Variants in TNFRSF10C observed in about 807,000 individuals in gnomAD.
The protein encoded by TNFRSF10C is tumor necrosis factor receptor superfamily member 10C.
TNFRSF10C carries 17 observed loss-of-function variants against 16.7 expected under a neutral mutation model. That is an observed-to-expected ratio of 1.02 (90% CI 0.70 to 1.53). The LOEUF is 1.53. Among genes scored for constraint, TNFRSF10C ranks in the 40% most tolerant of loss-of-function variants. The pLI is 0.00. For missense variants in TNFRSF10C, 237 were observed against 329.7 expected (o/e 0.72, Z 2.18); for synonymous variants, 73 against 119.7 (o/e 0.61, Z 2.55).
chr8:23,103,310 A>G (rs1813704513), intron 1 of TNFRSF10C, 129 bp downstream of exon 1: 1 of 1,486,166 alleles, frequency 6.7e-7, no homozygotes, highest in Non-Finnish European at 9.1e-7. Context: ...GGCAGGACGA[A>G]CTCGCCGTCG....
chr8:23,103,568 T>G, intron 1 of TNFRSF10C: 1 of 247,338 alleles, frequency 4.0e-6, no homozygotes, highest in Admixed American at 5.1e-5. Flanking sequence ...ACGTGTTCCT[T>G]GGAGATCGGT....
In TNFRSF10C at chr8:23,115,634, G is replaced by A; in HGVS notation, c.389+18G>A. 8 of 1,600,264 alleles carry A rather than the reference G, an allele frequency of 5.0e-6. No individual in the cohort carries two copies. The highest frequency in any genetic ancestry group is 6.8e-6 in the Non-Finnish European group (8 of 1,168,880). On this transcript the variant is annotated intron_variant, in intron 4 of 4. Transcript: ENST00000356864. ...TGTAGCAGGTGAGACAGCAGTCAGGGGCTCCTGACAGCTTTCAGGAACCCG... is the reference window on the plus strand; with the variant it reads ...TGTAGCAGGTGAGACAGCAGTCAGGAGCTCCTGACAGCTTTCAGGAACCCG...
intron 1 of TNFRSF10C, chr8:23,103,411 C>T (rs1230207339): frequency 1.3e-5 from 9 of 712,602 alleles, no homozygotes; most frequent in Non-Finnish European, 1.9e-5. Context: ...GCCCCGAGCC[C>T]GCGAAGGGAG....
intron 4 of TNFRSF10C, among the ~76,000 whole-genome samples, chr8:23,116,171 G>A (rs1312818515): frequency 6.6e-6 from 1 of 152,152 alleles, no homozygotes; most frequent in African/African-American, 2.4e-5. Flanking sequence ...AATAAGTCCT[G>A]TCTTTTCCCT....
intron 1 of TNFRSF10C, among the ~76,000 whole-genome samples, chr8:23,111,429 A>G (rs777924064): frequency 6.6e-6 from 1 of 151,670 alleles, no homozygotes; most frequent in East Asian, 1.9e-4. Flanking sequence ...GTTGGCCAGG[A>G]TGGTCTCGAT....
In TNFRSF10C at chr8:23,114,694, G is replaced by A. The variant is rs74480765; in HGVS notation, c.204G>A (p.Pro68=). ...CAGAACATACTGGAGCCTGTAACCC[G>A]TGCACAGAGGGTGTGGATTACACCA... The part of the protein sequence containing the change: ...HRSEHTGACN[P]CTEGVDYTNA... The change falls in exon 3 of 5, where the codon CCG becomes CCA. Residue 68 remains proline (P), a synonymous_variant. Coordinates refer to ENST00000356864, the MANE Select transcript of TNFRSF10C (RefSeq NM_003841.5). 6,721 of 1,612,984 alleles carry A rather than the reference G, an allele frequency of 4.2e-3. 14 individuals carry two copies. The highest frequency in any genetic ancestry group is 9.2e-3 in the African/African-American group (687 of 74,534).
At chr8:23,111,922 C>A in intron 2 of TNFRSF10C, 97 bp downstream of exon 2, 2 of 1,247,216 alleles carry the variant, frequency 1.6e-6, no homozygotes, top group Non-Finnish European at 2.3e-6. Flanking sequence ...AATATGTACG[C>A]ATTGTGGAAT....
At position 23,116,649 on chromosome 8, in the gene TNFRSF10C, G is replaced by A. The variant is rs1235920756; in HGVS notation, c.398G>A (p.Ser133Asn). The A allele has an allele frequency of 1.2e-6, 2 of 1,613,624 alleles. No homozygotes were observed. The highest frequency in any genetic ancestry group is 2.7e-5 in the African/African-American group (2 of 75,058). Residue 133 changes from serine to asparagine, a missense_variant, in exon 5 of 5, where the codon AGT becomes AAT. Transcript: ENST00000356864. ...TCTCTGTGTGTACCCAGGTGCCCTAGTGGGGAAGTCCAAGTCAGTAATTGT... is the reference window on the plus strand; with the variant it reads ...TCTCTGTGTGTACCCAGGTGCCCTAATGGGGAAGTCCAAGTCAGTAATTGT... ...EMCRKCSRCP[S>N]GEVQVSNCTS...
At chr8:23,107,167 AC>A (rs2128830155) in intron 1 of TNFRSF10C, among the ~76,000 whole-genome samples, 1 of 152,280 alleles carries the variant, frequency 6.6e-6, no homozygotes, top group East Asian at 1.9e-4. Context: ...ACATAGCAAA[AC>A]CCGGTCACAA....
rs1813693139 is a variant in TNFRSF10C, at chr8:23,103,046, G to GT, written c.-76_-75insT. The GT allele has an allele frequency of 1.3e-6, 2 of 1,571,874 alleles. No homozygotes were observed. The highest frequency in any genetic ancestry group is 1.7e-6 in the Non-Finnish European group (2 of 1,158,826). On this transcript the variant is annotated 5_prime_UTR_variant, in exon 1 of 5. It introduces an in-frame stop codon into an upstream open reading frame of the 5' UTR. Coordinates refer to ENST00000356864, the MANE Select transcript of TNFRSF10C (RefSeq NM_003841.5). Reference sequence around the variant, plus strand: ...GCTTCCTACCGTTAGGGAACTCTGGGGACAGAGCGCCCCGGCCGCCTGATG... The same window carrying GT: ...GCTTCCTACCGTTAGGGAACTCTGGGTGACAGAGCGCCCCGGCCGCCTGATG...
chr8:23,110,241 T>C (rs1001743331), intron 1 of TNFRSF10C, among the ~76,000 whole-genome samples: 2 of 151,912 alleles, frequency 1.3e-5, no homozygotes, highest in Non-Finnish European at 2.9e-5. Context: ...CGGGAAAGAA[T>C]GATTTGGGAA....
At chr8:23,111,370 C>A (rs1197772717) in intron 1 of TNFRSF10C, among the ~76,000 whole-genome samples, 1 of 152,060 alleles carries the variant, frequency 6.6e-6, no homozygotes, top group Non-Finnish European at 1.5e-5. Flanking sequence ...GTGTGTGCCA[C>A]CACACCCAGC....
At chr8:23,104,900 G>T (rs1813747769) in intron 1 of TNFRSF10C, among the ~76,000 whole-genome samples, 1 of 152,130 alleles carries the variant, frequency 6.6e-6, no homozygotes, top group East Asian at 1.9e-4. Flanking sequence ...CTGGTCAGTT[G>T]GGGCCAGTCC....
At chr8:23,110,777 C>G (rs983018558) in intron 1 of TNFRSF10C, among the ~76,000 whole-genome samples, 1 of 152,140 alleles carries the variant, frequency 6.6e-6, no homozygotes, top group African/African-American at 2.4e-5. Context: ...TTATAACCTT[C>G]ATTTGTAAAG....
chr8:23,103,471 G>A (rs1014351109), intron 1 of TNFRSF10C: 1 of 571,394 alleles, frequency 1.8e-6, no homozygotes, highest in Non-Finnish European at 3.1e-6. Flanking sequence ...AACCCATAGA[G>A]TGAGCCTCCT....
chr8:23,114,752 T>C lies in TNFRSF10C; in HGVS notation c.262T>C (p.Cys88Arg). ...CAACAATGAACCTTCTTGCTTCCCA[T>C]GTACAGTTTGTAAATCAGGTACAGA... ...ASNNEPSCFPCTVCKSDQKHK... is the reference protein window; with the variant it reads ...ASNNEPSCFPRTVCKSDQKHK... Residue 88 changes from cysteine to arginine, a missense_variant, in exon 3 of 5, where the codon TGT becomes CGT. By Grantham distance (180) the Cys-to-Arg change is radical. This residue lies in a region of TNFRSF10C where 212 missense variants were observed against 196.8 expected (regional missense o/e 1.08). Coordinates refer to ENST00000356864, the MANE Select transcript of TNFRSF10C (RefSeq NM_003841.5). 17 of 1,613,912 alleles carry C rather than the reference T, an allele frequency of 1.1e-5. No homozygotes were observed. The highest frequency in any genetic ancestry group is 6.7e-5 in the East Asian group (3 of 44,892).
chr8:23,107,899 T>C (rs941685871), intron 1 of TNFRSF10C, among the ~76,000 whole-genome samples: 3 of 152,118 alleles, frequency 2.0e-5, no homozygotes, highest in African/African-American at 7.2e-5. Context: ...AGTAAATAGA[T>C]GGAAAAAGAT....
chr8:23,113,602 CT>C (rs1386750381), intron 2 of TNFRSF10C, among the ~76,000 whole-genome samples: 1 of 152,208 alleles, frequency 6.6e-6, no homozygotes, highest in Non-Finnish European at 1.5e-5. Context: ...AATCAATCAA[CT>C]GTAAATGCAT....
chr8:23,103,196 C>A lies in TNFRSF10C; in HGVS notation c.60+15C>A. The A allele has an allele frequency of 6.2e-7, 1 of 1,605,848 alleles. No homozygotes were observed. Among genetic ancestry groups the A allele is most frequent in the East Asian group, 2.2e-5 (1 of 44,648 alleles). ...TCCTGCTGCCAGTGAGTCCCGGCCG[C>A]GGTCCCTGGCTGGGGAAGAGCGCAC... On this transcript the variant is annotated intron_variant, in intron 1 of 4. Transcript: ENST00000356864.
Sources: allele counts gnomAD v4.1 joint callset (sites outside exome capture counted in the v4.1 genomes callset), GRCh38; gene constraint gnomAD v4.1.1; regional missense constraint gnomAD v4.1.1; transcripts MANE v1.5; gene names NCBI Gene and HGNC (gene_info 2026-07-23, HGNC 2026-07-21).